Variants in ANXA13 observed in about 807,000 individuals in gnomAD.
ANXA13 encodes annexin A13, also known as annexin XIII.
ANXA13 carries 36 observed loss-of-function variants against 46.6 expected under a neutral mutation model. The observed-to-expected ratio is 0.77, with a 90% confidence interval of 0.59 to 1.02. The LOEUF is 1.02. Ranked by LOEUF, ANXA13 falls within the 50% of genes least tolerant of loss-of-function variation. The pLI is 0.00. For synonymous variants in ANXA13, 163 were observed against 152.9 expected (o/e 1.07, Z -0.49); for missense variants, 417 against 396.5 (o/e 1.05, Z -0.44).
chr8:123,718,189 G>A (rs1293090606), intron 1 of ANXA13, among the ~76,000 whole-genome samples: 4 of 152,246 alleles, frequency 2.6e-5, no homozygotes, highest in East Asian at 1.9e-4. Context: ...AACAAGCCTG[G>A]CTGACAGCAT....
chr8:123,721,012 A>G (rs777023467), intron 1 of ANXA13, among the ~76,000 whole-genome samples: 3 of 152,222 alleles, frequency 2.0e-5, no homozygotes, highest in Non-Finnish European at 4.4e-5. Context: ...ACTTTGTACC[A>G]GTTGAACAGT....
intron 3 of ANXA13, among the ~76,000 whole-genome samples, chr8:123,700,329 C>T (rs1407997763): frequency 1.3e-5 from 2 of 152,238 alleles, no homozygotes; most frequent in African/African-American, 4.8e-5. Flanking sequence ...TGTGTGCTTA[C>T]ATTCTGACTG....
At chr8:123,731,703 C>A (rs949480410) in intron 1 of ANXA13, among the ~76,000 whole-genome samples, 1 of 151,972 alleles carries the variant, frequency 6.6e-6, no homozygotes, top group Non-Finnish European at 1.5e-5. Context: ...GAAGACCCCC[C>A]ATCTCTACAA....
At chr8:123,704,442 C>G (rs1813504331) in intron 2 of ANXA13, among the ~76,000 whole-genome samples, 1 of 151,634 alleles carries the variant, frequency 6.6e-6, no homozygotes, top group African/African-American at 2.4e-5. Context: ...CTGGCTATGT[C>G]ACCCAGGCTA....
intron 3 of ANXA13, among the ~76,000 whole-genome samples, chr8:123,701,149 C>T (rs1035708355): frequency 1.3e-5 from 2 of 151,572 alleles, no homozygotes; most frequent in South Asian, 4.3e-4. Flanking sequence ...TCTTGGGAGG[C>T]TACTGGAGTT....
chr8:123,737,229 G>T, intron 1 of ANXA13, 91 bp downstream of exon 1: 1 of 1,239,450 alleles, frequency 8.1e-7, no homozygotes, highest in Non-Finnish European at 1.2e-6. Flanking sequence ...TAGTGATAAA[G>T]TATACAAGTA....
chr8:123,726,926 T>C (rs926397525), intron 1 of ANXA13, among the ~76,000 whole-genome samples: 2 of 152,192 alleles, frequency 1.3e-5, no homozygotes, highest in African/African-American at 2.4e-5. Context: ...GATCGGAGAA[T>C]ACTATTCTAA....
intron 1 of ANXA13, among the ~76,000 whole-genome samples, chr8:123,735,155 G>T (rs1253262163): frequency 2.0e-5 from 3 of 150,500 alleles, no homozygotes; most frequent in African/African-American, 7.3e-5. Context: ...TAGCCATTGG[G>T]ACCATTTCAT....
intron 1 of ANXA13, among the ~76,000 whole-genome samples, chr8:123,713,342 T>C (rs1387017077): frequency 6.6e-6 from 1 of 152,252 alleles, no homozygotes; most frequent in Non-Finnish European, 1.5e-5. Flanking sequence ...TTTCCCATAC[T>C]TCAGTCATTG....
In ANXA13 at chr8:123,691,565, T is replaced by G. The variant is rs1487288266; in HGVS notation, c.642+1632A>C. ...TTCTGTTAACTCATTTAATCCTTAT[T>G]AACCCTATGAAGTAGGTACTATTAT... On this transcript the variant is annotated intron_variant, in intron 8 of 10. Coordinates refer to ENST00000419625, the MANE Select transcript of ANXA13 (RefSeq NM_004306.4). 2.6e-5 allele frequency among the ~76,000 whole-genome samples: 4 copies of G among 152,212 alleles called. No individual in the cohort carries two copies. In the East Asian group the frequency reaches 5.8e-4, roughly 22 times the overall value.
intron 6 of ANXA13, among the ~76,000 whole-genome samples, chr8:123,694,208 T>C (rs1813292381): frequency 6.6e-6 from 1 of 152,222 alleles, no homozygotes; most frequent in Non-Finnish European, 1.5e-5. Flanking sequence ...GATGACCCAA[T>C]GGTCCACATC....
intron 3 of ANXA13, 72 bp from the exon 4 acceptor site, chr8:123,698,631 T>C: frequency 6.7e-7 from 1 of 1,499,804 alleles, no homozygotes; most frequent in Non-Finnish European, 9.2e-7. Flanking sequence ...CTTGCACTAT[T>C]GCAAGTGCTC....
At chr8:123,704,287 G>GAGACTATCTAGTCCA (rs1288868640) in intron 2 of ANXA13, among the ~76,000 whole-genome samples, 1 of 152,142 alleles carries the variant, frequency 6.6e-6, no homozygotes, top group Non-Finnish European at 1.5e-5. Flanking sequence ...GGAAATGTTA[G>GAGACTATCTAGTCCA]AGACTATCTA....
intron 1 of ANXA13, chr8:123,735,870 G>T: frequency 6.2e-7 from 1 of 1,606,062 alleles, no homozygotes; most frequent in Non-Finnish European, 8.5e-7. Flanking sequence ...GAGGGTGTAC[G>T]ACTGGCTCTG....
intron 10 of ANXA13, 102 bp downstream of exon 10, chr8:123,684,506 CTT>C: frequency 1.3e-6 from 1 of 778,078 alleles, no homozygotes. Context: ...CTCTGTTTTA[CTT>C]TTTCTGTAAA....
intron 1 of ANXA13, among the ~76,000 whole-genome samples, chr8:123,713,818 C>T (rs1236624408): frequency 6.6e-6 from 1 of 152,098 alleles, no homozygotes; most frequent in East Asian, 1.9e-4. Context: ...CTCAGCCTCC[C>T]CATAGCTGGG....
In ANXA13 at chr8:123,712,381, G is replaced by A. The variant is rs185025424; in HGVS notation, c.91+297C>T. The A allele has an allele frequency of 2.4e-4, 106 of 440,684 alleles. No individual in the cohort carries two copies. In the East Asian group the frequency reaches 4.1e-3, roughly 17 times the overall value. 27.3% of individuals were successfully genotyped at this position (440,684 alleles called of 1,614,324 possible). On this transcript the variant is annotated intron_variant, in intron 2 of 10. Transcript: ENST00000419625. ...TGTCTTTATTAGCAGTGTGAGAACA[G>A]ACTAATACACCAGGATTGCATGAAC...
intron 1 of ANXA13, among the ~76,000 whole-genome samples, chr8:123,722,362 G>GAAAGAAAGAA (rs1344490934): frequency 1.1e-5 from 1 of 87,006 alleles, no homozygotes; most frequent in African/African-American, 4.4e-5. Context: ...AAGAAAGAAA[G>GAAAGAAAGAA]AAAGAAAGAA....
intron 1 of ANXA13, chr8:123,736,021 A>G: frequency 6.2e-6 from 5 of 805,024 alleles, no homozygotes; most frequent in Non-Finnish European, 8.6e-6. Flanking sequence ...CTCTGCATCT[A>G]TCAGAAATAT....
Sources: gnomAD v4.1 joint callset for allele counts (sites outside exome capture counted in the v4.1 genomes callset) on GRCh38, gnomAD v4.1.1 for gene constraint, MANE v1.5 for transcripts, NCBI Gene and HGNC (gene_info 2026-07-23, HGNC 2026-07-21) for gene names.